ARB2A: variants seen among roughly 807,000 people sequenced by gnomAD.
ARB2A encodes cotranscriptional regulator ARB2A.
chr5:93,761,133 C>T, the ARB2A span, among the ~76,000 whole-genome samples: 10 of 152,238 alleles, frequency 6.6e-5, no homozygotes, highest in East Asian at 3.9e-4. Flanking sequence ...GCATGAGCGA[C>T]GCAGAAGACG....
the ARB2A span, among the ~76,000 whole-genome samples, chr5:93,729,606 T>C: frequency 1.3e-5 from 2 of 152,134 alleles, no homozygotes; most frequent in African/African-American, 2.4e-5. Flanking sequence ...TATACTGATA[T>C]GTGTATGTAC....
chr5:93,640,146 T>C, the ARB2A span, among the ~76,000 whole-genome samples: 1 of 149,930 alleles, frequency 6.7e-6, no homozygotes, highest in Non-Finnish European at 1.5e-5. Flanking sequence ...GGAGGGGTTA[T>C]GAAAATTGTT....
chr5:93,784,205 A>C, the ARB2A span: 1 of 527,418 alleles, frequency 1.9e-6, no homozygotes, highest in Non-Finnish European at 3.4e-6. Context: ...CAAAAATATT[A>C]GGTCTTCACA....
the ARB2A span, among the ~76,000 whole-genome samples, chr5:93,808,766 A>G: frequency 6.6e-6 from 1 of 151,966 alleles, no homozygotes; most frequent in African/African-American, 2.4e-5. Context: ...CAGGCCTTCA[A>G]GGGAATAATA....
At chr5:93,651,901 T>C in the ARB2A span, among the ~76,000 whole-genome samples, 35 of 152,140 alleles carry the variant, frequency 2.3e-4, no homozygotes, top group African/African-American at 8.4e-4. Context: ...CAGAGACCAA[T>C]CCTAAATCCC....
At chr5:93,713,385 A>C in the ARB2A span, among the ~76,000 whole-genome samples, 1 of 152,222 alleles carries the variant, frequency 6.6e-6, no homozygotes, top group Non-Finnish European at 1.5e-5. Context: ...CCGATTTAAA[A>C]ATGTACAAAA....
At chr5:93,895,160 T>C in the ARB2A span, among the ~76,000 whole-genome samples, 28 of 152,324 alleles carry the variant, frequency 1.8e-4, no homozygotes, top group African/African-American at 6.7e-4. Flanking sequence ...ATGCCAGTTT[T>C]CATGCTTTAA....
chr5:93,700,951 G>A, the ARB2A span, among the ~76,000 whole-genome samples: 2 of 152,004 alleles, frequency 1.3e-5, no homozygotes, highest in African/African-American at 4.8e-5. Flanking sequence ...AAATGAAAAC[G>A]CAGAGTAAAC....
At chr5:94,006,264 G>T in the ARB2A span, among the ~76,000 whole-genome samples, 2 of 152,104 alleles carry the variant, frequency 1.3e-5, no homozygotes, top group African/African-American at 2.4e-5. Context: ...AGTAAAAACA[G>T]CCAATCCCAA....
At chr5:94,104,147 C>A in the ARB2A span, among the ~76,000 whole-genome samples, 5 of 147,334 alleles carry the variant, frequency 3.4e-5, no homozygotes, top group African/African-American at 5.0e-5. Context: ...GAAGAAAAAA[C>A]CAAAATCAGA....
the ARB2A span, among the ~76,000 whole-genome samples, chr5:93,971,690 T>C: frequency 6.6e-6 from 1 of 152,130 alleles, no homozygotes; most frequent in Admixed American, 6.6e-5. Flanking sequence ...AAAAATACAA[T>C]TTAAAATCCC....
chr5:93,753,797 TG>T, the ARB2A span, among the ~76,000 whole-genome samples: 1 of 152,230 alleles, frequency 6.6e-6, no homozygotes, highest in Admixed American at 6.5e-5. Flanking sequence ...TTGTAAGTTC[TG>T]GGAGAAAATA....
chr5:93,898,395 G>A, the ARB2A span, among the ~76,000 whole-genome samples: 5 of 151,762 alleles, frequency 3.3e-5, no homozygotes, highest in Admixed American at 2.0e-4. Flanking sequence ...GTACTCTCCT[G>A]CTCCTCACAT....
the ARB2A span, among the ~76,000 whole-genome samples, chr5:93,870,213 A>AAGGGAGG: frequency 2.5e-4 from 38 of 152,318 alleles, no homozygotes; most frequent in Middle Eastern, 3.4e-3. Flanking sequence ...AGTTTCACCA[A>AAGGGAGG]AGGGAGGAGG....
the ARB2A span, among the ~76,000 whole-genome samples, chr5:94,063,298 G>A: frequency 1.3e-5 from 2 of 152,114 alleles, no homozygotes; most frequent in African/African-American, 4.8e-5. Flanking sequence ...GCCTCAGAAT[G>A]GGCCCATCCA....
chr5:93,952,721 CA>C, the ARB2A span, among the ~76,000 whole-genome samples: 361 of 152,270 alleles, frequency 2.4e-3, 4 homozygotes, highest in Admixed American at 0.023. Flanking sequence ...CTCTAGGTCT[CA>C]GAAGTTCTCT....
chr5:93,880,236 G>A, the ARB2A span, among the ~76,000 whole-genome samples: 1 of 151,616 alleles, frequency 6.6e-6, no homozygotes, highest in East Asian at 1.9e-4. Flanking sequence ...CATTTTTGGG[G>A]TCTTGGGAAT....
the ARB2A span, among the ~76,000 whole-genome samples, chr5:93,979,719 A>G: frequency 6.6e-6 from 1 of 151,920 alleles, no homozygotes; most frequent in Non-Finnish European, 1.5e-5. Context: ...TAGTTACTGA[A>G]TCATTTTATC....
the ARB2A span, among the ~76,000 whole-genome samples, chr5:93,854,124 A>T: frequency 6.6e-6 from 1 of 152,134 alleles, no homozygotes; most frequent in East Asian, 1.9e-4. Flanking sequence ...GATTATTGCC[A>T]CAATTTCAGA....
Sources: allele counts gnomAD v4.1 joint callset (sites outside exome capture counted in the v4.1 genomes callset), GRCh38; gene constraint gnomAD v4.1.1; transcripts MANE v1.5; gene names NCBI Gene and HGNC (gene_info 2026-07-23, HGNC 2026-07-21).